RARA: variants seen among roughly 807,000 people sequenced by gnomAD.
RARA encodes PML-DDX5-RARA fusion.
A neutral mutation model predicts 42.8 loss-of-function variants in RARA; 5 were observed. The observed-to-expected ratio is 0.12, with a 90% CI of 0.06 to 0.25. RARA has a LOEUF of 0.25. Among genes scored for constraint, RARA ranks in the 10% least tolerant of loss-of-function variants. RARA has a pLI of 1.00. For synonymous variants in RARA, 256 were observed against 259.5 expected (o/e 0.99, Z 0.13); for missense variants, 402 against 628.7 (o/e 0.64, Z 3.86).
intron 2 of RARA, among the ~76,000 whole-genome samples, chr17:40,346,262 C>T (rs1333266557): frequency 1.3e-5 from 2 of 152,120 alleles, no homozygotes; most frequent in Non-Finnish European, 2.9e-5. Context: ...CTGGTATCCC[C>T]CATGACTCCC....
chr17:40,312,440 C>T (rs117011100), intron 1 of RARA, among the ~76,000 whole-genome samples: 4,926 of 152,356 alleles, frequency 0.032, 98 homozygotes, highest in South Asian at 0.048. Context: ...CTCCCTGCCC[C>T]CCTCATTTCC....
At chr17:40,341,697 C>T (rs2034050406) in intron 2 of RARA, 2 of 1,329,860 alleles carry the variant, frequency 1.5e-6, no homozygotes, top group South Asian at 4.0e-5. Context: ...AAATGAGGCC[C>T]GGCCTGGGTG....
Position 40,349,847 on chromosome 17 carries a change from A to C in RARA, c.391A>C (p.Ile131Leu), listed in dbSNP as rs747353115. 6.2e-7 allele frequency: 1 copy of C among 1,614,208 alleles called. No homozygotes were observed. Among genetic ancestry groups the C allele is most frequent in the Non-Finnish European group, 8.5e-7 (1 of 1,180,026 alleles). Reference protein sequence around the residue: ...VYTCHRDKNCIINKVTRNRCQ... With the variant: ...VYTCHRDKNCLINKVTRNRCQ... ...CACGTGTCACCGGGACAAGAACTGC[A>C]TCATCAACAAGGTGACCCGGAACCG... The change falls in exon 4 of 9, where the codon ATC becomes CTC. Residue 131 changes from isoleucine to leucine, a missense_variant. Ile to Leu is a conservative substitution (Grantham distance 5). Coordinates refer to ENST00000254066, the MANE Select transcript of RARA (RefSeq NM_000964.4).
chr17:40,316,442 C>G (rs1405274763), intron 1 of RARA, among the ~76,000 whole-genome samples: 1 of 152,226 alleles, frequency 6.6e-6, no homozygotes, highest in Non-Finnish European at 1.5e-5. Flanking sequence ...GCATTTGTAC[C>G]AGGATGCCTG....
In RARA at chr17:40,355,232, A is replaced by G; in HGVS notation, c.1013-31A>G. On this transcript the variant is annotated intron_variant, in intron 7 of 8. Coordinates refer to ENST00000254066, the MANE Select transcript of RARA (RefSeq NM_000964.4). The surrounding 1 kb of genome is among the most constrained non-coding windows in gnomAD (Gnocchi z 4.1). The stretch of plus-strand genomic sequence containing the variant: ...AGGCTGGGGGTGCAGCTGTGTTCCC[A>G]GCTGCTCAGGGGGTGGTTCTGCTTC... The G allele has an allele frequency of 6.5e-7, 1 of 1,544,146 alleles. No individual in the cohort carries two copies. The highest frequency in any genetic ancestry group is 8.8e-7 in the Non-Finnish European group (1 of 1,141,988).
Position 40,351,229 on chromosome 17 carries a change from C to G in RARA, c.470-681C>G, listed in dbSNP as rs577124421. Among the ~76,000 whole-genome samples the G allele has an allele frequency of 2.0e-5, 3 of 151,794 alleles. No individual in the cohort carries two copies. Among genetic ancestry groups the G allele is most frequent in the Non-Finnish European group, 2.9e-5 (2 of 67,926 alleles). ...GCCAGCTACCCCCACCTCGCTACCC[C>G]CTCCCTGAGCCCCTCCCCCACCCTC... is the stretch of plus-strand genomic sequence containing the variant. On this transcript the variant is annotated intron_variant, in intron 4 of 8. Transcript: ENST00000254066. The surrounding 1 kb of genome is among the most constrained non-coding windows in gnomAD (Gnocchi z 4.1).
In RARA at chr17:40,313,261, T is replaced by G. The variant is rs950812438; in HGVS notation, c.-363+3975T>G. Among the ~76,000 whole-genome samples the G allele has an allele frequency of 2.6e-5, 4 of 152,010 alleles. No individual in the cohort carries two copies. In the East Asian group the frequency reaches 7.7e-4, roughly 29 times the overall value. On this transcript the variant is annotated intron_variant, in intron 1 of 8. Transcript: ENST00000254066. ...CCCAGGACCTGTGGGTCATGGTGGT[T>G]GTTTGCCCATCTCCCCAACAAAAGA...
chr17:40,316,315 C>T (rs2033212894), intron 1 of RARA, among the ~76,000 whole-genome samples: 1 of 152,258 alleles, frequency 6.6e-6, no homozygotes, highest in African/African-American at 2.4e-5. Context: ...GTGCCCCACC[C>T]TCTGCTTCAT....
At position 40,345,744 on chromosome 17, in the gene RARA, G is replaced by A. The variant is rs2034245477; in HGVS notation, c.179-2572G>A. On this transcript the variant is annotated intron_variant, in intron 2 of 8. Transcript: ENST00000254066. The surrounding 1 kb of genome is among the most constrained non-coding windows in gnomAD (Gnocchi z 4.8). ...AGGTTAGCAGGGATGGGCCAGGCCC[G>A]GGCAGTCCCTCCCCCGTTGGTGTCC... Among the ~76,000 whole-genome samples the A allele has an allele frequency of 6.6e-6, 1 of 152,202 alleles. No homozygotes were observed.
intron 1 of RARA, among the ~76,000 whole-genome samples, chr17:40,321,511 G>A (rs995454202): frequency 2.4e-4 from 36 of 152,172 alleles, no homozygotes; most frequent in African/African-American, 6.0e-4. Context: ...TGAAATAGGT[G>A]CTATGGAACT....
At position 40,351,648 on chromosome 17, in the gene RARA, CTA is replaced by C. The variant is rs1366822091; in HGVS notation, c.470-260_470-259del. ...CGCGTGGGGGATAGCATGCGGCTGG[CTA>C]TGGGGTGGGGTGGGGGGTGTGTGCA... On this transcript the variant is annotated intron_variant, in intron 4 of 8. Coordinates refer to ENST00000254066, the MANE Select transcript of RARA (RefSeq NM_000964.4). This position sits in a 1 kb window ranked among gnomAD's most constrained non-coding sequence, Gnocchi z 4.1. The C allele has an allele frequency of 1.8e-6, 1 of 547,452 alleles. No individual in the cohort carries two copies. Among genetic ancestry groups the C allele is most frequent in the Non-Finnish European group, 3.3e-6 (1 of 300,620 alleles). The allele number at this position is 547,452 out of a possible 1,614,324, so 33.9% of individuals were successfully genotyped here.
intron 2 of RARA, among the ~76,000 whole-genome samples, chr17:40,332,149 G>A (rs888969813): frequency 3.3e-5 from 5 of 152,188 alleles, no homozygotes; most frequent in Non-Finnish European, 5.9e-5. Flanking sequence ...GGGAGGTGGC[G>A]GCAGCTCTGG....
intron 1 of RARA, among the ~76,000 whole-genome samples, chr17:40,323,540 C>T (rs1345565133): frequency 6.6e-6 from 1 of 151,806 alleles, no homozygotes; most frequent in Non-Finnish European, 1.5e-5. Flanking sequence ...CCTTCCCCTG[C>T]ACACACAGCC....
rs1399203181 is a variant in RARA, at chr17:40,311,639, C to T, written c.-363+2353C>T. 2.0e-5 allele frequency among the ~76,000 whole-genome samples: 3 copies of T among 152,338 alleles called. No homozygotes were observed. The East Asian group carries it at 5.8e-4, about 29-fold the overall frequency. On this transcript the variant is annotated intron_variant, in intron 1 of 8. Coordinates refer to ENST00000254066, the MANE Select transcript of RARA (RefSeq NM_000964.4). ...TGTCTGCCTCAATCTGGGCTGTTTC[C>T]TCCCCTCCAAGATATTTCACTGTCT...
In RARA at chr17:40,355,617, T is replaced by C. The variant is rs2034595705; in HGVS notation, c.1171+196T>C. Among the ~76,000 whole-genome samples the C allele has an allele frequency of 6.6e-6, 1 of 152,246 alleles. No homozygotes were observed. The highest frequency in any genetic ancestry group is 2.4e-5 in the African/African-American group (1 of 41,468). ...CACCTTTGTGTGGTAGTTCAGATCGTGGCTCTGGAACCAGACACGTGGGTG... is the reference window on the plus strand; with the variant it reads ...CACCTTTGTGTGGTAGTTCAGATCGCGGCTCTGGAACCAGACACGTGGGTG... On this transcript the variant is annotated intron_variant, in intron 8 of 8. Transcript: ENST00000254066. The surrounding 1 kb of genome is among the most constrained non-coding windows in gnomAD (Gnocchi z 4.1).
Position 40,355,893 on chromosome 17 carries a change from C to T in RARA, c.1172-116C>T. On this transcript the variant is annotated intron_variant, in intron 8 of 8. Transcript: ENST00000254066. The surrounding 1 kb of genome is among the most constrained non-coding windows in gnomAD (Gnocchi z 4.1). The stretch of plus-strand genomic sequence containing the variant: ...TGGCTCGTGTCAAAGAACTGAATCC[C>T]AAGAAAGATGCTAATATCAGCAGTA... 2.1e-6 allele frequency: 2 copies of T among 951,074 alleles called. No individual in the cohort carries two copies. The highest frequency in any genetic ancestry group is 3.1e-6 in the Non-Finnish European group (2 of 640,836). The allele number at this position is 951,074 out of a possible 1,614,324, so 58.9% of individuals were successfully genotyped here.
rs1223490065 is a variant in RARA at position 40,345,855 on chromosome 17, C to A, written c.179-2461C>A. On this transcript the variant is annotated intron_variant, in intron 2 of 8. Transcript: ENST00000254066. This position sits in a 1 kb window ranked among gnomAD's most constrained non-coding sequence, Gnocchi z 4.8. ...GTGAGGATTCCGGAGTTCCCCACAC[C>A]TCCGGCCTTGGTCCTTGTACCTCAC... Among the ~76,000 whole-genome samples, 1 of 152,220 alleles carries A rather than the reference C, an allele frequency of 6.6e-6. No homozygotes were observed. The highest frequency in any genetic ancestry group is 2.4e-5 in the African/African-American group (1 of 41,446).
At chr17:40,313,824 A>G (rs557151702) in intron 1 of RARA, among the ~76,000 whole-genome samples, 2 of 152,100 alleles carry the variant, frequency 1.3e-5, no homozygotes, top group African/African-American at 4.8e-5. Context: ...CTGATTTATC[A>G]TACCCCCCAT....
chr17:40,312,785 T>C (rs558550940), intron 1 of RARA, among the ~76,000 whole-genome samples: 1 of 152,288 alleles, frequency 6.6e-6, no homozygotes, highest in African/African-American at 2.4e-5. Flanking sequence ...AGGCAATCCC[T>C]TCCCCTTGCA....
Sources: allele counts gnomAD v4.1 joint callset (sites outside exome capture counted in the v4.1 genomes callset), GRCh38; gene constraint gnomAD v4.1.1; non-coding constraint Gnocchi (gnomAD v3.1); transcripts MANE v1.5; gene names NCBI Gene and HGNC (gene_info 2026-07-23, HGNC 2026-07-21).